The following SLC26A7 variants were observed in gnomAD, a reference collection of about 807,000 sequenced individuals.
SLC26A7 encodes solute carrier family 26 member 7.
SLC26A7 carries 59 observed loss-of-function variants against 82.5 expected under a neutral mutation model. That is an observed-to-expected ratio of 0.72 (90% CI 0.58 to 0.89). The LOEUF (loss-of-function observed/expected upper bound fraction) is 0.89, where lower values mean the gene tolerates loss of function less well. Among genes scored for constraint, SLC26A7 ranks in the 40% least tolerant of loss-of-function variants. The probability of loss-of-function intolerance (pLI) is 0.00; values close to 1 mark genes in which losing one functional copy is unlikely to be tolerated. For synonymous variants in SLC26A7, 271 were observed against 274.3 expected, an observed-to-expected ratio of 0.99 and a Z score of 0.12; for missense variants, 820 against 793.0, an observed-to-expected ratio of 1.03 and a Z score of -0.41.
intron 6 of SLC26A7, among the ~76,000 whole-genome samples, chr8:91,335,711 A>C (rs1813220978): frequency 6.6e-6 from 1 of 152,220 alleles, no homozygotes; most frequent in Non-Finnish European, 1.5e-5. Context: ...CTAAGACCCA[A>C]GGAAAAAGTA....
At chr8:91,392,281 T>C (rs1251503667) in intron 16 of SLC26A7, among the ~76,000 whole-genome samples, 1 of 152,170 alleles carries the variant, frequency 6.6e-6, no homozygotes, top group Non-Finnish European at 1.5e-5. Flanking sequence ...GTTAAGAACA[T>C]AGACTTTAAA....
chr8:91,356,694 A>T (rs1813879627), intron 11 of SLC26A7, among the ~76,000 whole-genome samples: 1 of 152,090 alleles, frequency 6.6e-6, no homozygotes, highest in South Asian at 2.1e-4. Flanking sequence ...GTTCACTCTG[A>T]TGGTAGTTTC....
chr8:91,341,006 T>C (rs1487238602), intron 8 of SLC26A7, among the ~76,000 whole-genome samples: 1 of 151,966 alleles, frequency 6.6e-6, no homozygotes, highest in Non-Finnish European at 1.5e-5. Flanking sequence ...TTTTTTATAC[T>C]TTTAAGTTTT....
At chr8:91,304,504 G>C (rs772996409) in intron 4 of SLC26A7, among the ~76,000 whole-genome samples, 1 of 152,184 alleles carries the variant, frequency 6.6e-6, no homozygotes, top group Admixed American at 6.5e-5. Context: ...TACCTGTGCA[G>C]CCTGTGGAAC....
At position 91,340,559 on chromosome 8, in the gene SLC26A7, G is replaced by A. The variant is rs182466427; in HGVS notation, c.1026+8G>A. ...TCAATTGATGACAACCAGGTGGAGT[G>A]TGCCCCCAGTCCCTCTCCACTCCAG... On this transcript the variant is annotated splice_region_variant and intron_variant, in intron 8 of 18. Coordinates refer to ENST00000276609, the MANE Select transcript of SLC26A7 (RefSeq NM_052832.4). 379 of 1,613,634 alleles carry A rather than the reference G, an allele frequency of 2.3e-4. No individual in the cohort carries two copies. The African/African-American group carries it at 3.1e-3, about 13-fold the overall frequency.
chr8:91,258,471 A>G (rs1398341669), intron 2 of SLC26A7, among the ~76,000 whole-genome samples: 1 of 151,952 alleles, frequency 6.6e-6, no homozygotes, highest in Non-Finnish European at 1.5e-5. Context: ...CTCAACAACT[A>G]TATTCAATTA....
At chr8:91,209,807 C>A (rs1357307888) in intron 1 of SLC26A7, among the ~76,000 whole-genome samples, 3 of 151,976 alleles carry the variant, frequency 2.0e-5, no homozygotes, top group Admixed American at 2.0e-4. Context: ...ATGAGTAAGC[C>A]AAGAAGAGGA....
intron 3 of SLC26A7, 74 bp from the exon 4 acceptor site, chr8:91,295,457 C>A: frequency 6.5e-7 from 1 of 1,528,670 alleles, no homozygotes. Flanking sequence ...GTAGCTTCGA[C>A]AGAATCCCAC....
chr8:91,235,181 C>T (rs1810377529), intron 2 of SLC26A7, among the ~76,000 whole-genome samples: 1 of 152,156 alleles, frequency 6.6e-6, no homozygotes, highest in African/African-American at 2.4e-5. Flanking sequence ...ACCTCAGCCT[C>T]CTAAAGTGCT....
intron 2 of SLC26A7, among the ~76,000 whole-genome samples, chr8:91,239,816 G>C (rs1271815754): frequency 1.3e-5 from 2 of 152,178 alleles, no homozygotes; most frequent in East Asian, 3.8e-4. Flanking sequence ...AACTGGGTAA[G>C]ATTGTCCATC....
intron 6 of SLC26A7, 47 bp from the exon 7 acceptor site, chr8:91,338,103 G>A: frequency 7.2e-7 from 1 of 1,395,192 alleles, no homozygotes; most frequent in South Asian, 1.3e-5. Context: ...GTGTTTGAGA[G>A]GTCAGTAATG....
intron 2 of SLC26A7, among the ~76,000 whole-genome samples, chr8:91,272,153 C>G (rs1279419512): frequency 2.0e-5 from 3 of 152,152 alleles, no homozygotes; most frequent in Non-Finnish European, 4.4e-5. Context: ...CTTGCTTACC[C>G]TTTCATCTAC....
At chr8:91,239,231 A>G (rs573310245) in intron 2 of SLC26A7, among the ~76,000 whole-genome samples, 2 of 151,698 alleles carry the variant, frequency 1.3e-5, no homozygotes, top group South Asian at 4.2e-4. Context: ...TTAGCCGGGC[A>G]TGGTGGCAGG....
At chr8:91,324,579 C>G (rs1250683562) in intron 5 of SLC26A7, among the ~76,000 whole-genome samples, 1 of 152,200 alleles carries the variant, frequency 6.6e-6, no homozygotes, top group Non-Finnish European at 1.5e-5. Context: ...CAGATTTACT[C>G]AACAAATTGA....
chr8:91,279,123 G>GTA lies in SLC26A7; in HGVS notation c.194-10012_194-10011insAT, dbSNP rs1223990677. On this transcript the variant is annotated intron_variant, in intron 2 of 18. Coordinates refer to ENST00000276609, the MANE Select transcript of SLC26A7 (RefSeq NM_052832.4). ...AGTATTTCATAGTATGTGTGTGTGT[G>GTA]TGTATATATATATATATATATATAT... Among the ~76,000 whole-genome samples the GTA allele has an allele frequency of 1.1e-3, 90 of 78,728 alleles. 1 individual carries two copies. The highest frequency in any genetic ancestry group is 5.0e-3 in the African/African-American group (87 of 17,476). The allele number at this position is 78,728 out of a possible 152,430, so 51.6% of individuals were successfully genotyped here.
intron 11 of SLC26A7, among the ~76,000 whole-genome samples, chr8:91,358,525 T>A (rs1024464662): frequency 4.0e-5 from 6 of 151,518 alleles, no homozygotes; most frequent in African/African-American, 7.3e-5. Flanking sequence ...AGAGACGGGG[T>A]TTCTCCATGT....
At chr8:91,229,825 A>G (rs796744339) in intron 2 of SLC26A7, among the ~76,000 whole-genome samples, 1 of 152,204 alleles carries the variant, frequency 6.6e-6, no homozygotes, top group South Asian at 2.1e-4. Flanking sequence ...GTAAATATGA[A>G]TGTTAGCAAA....
At chr8:91,226,317 G>A (rs1810239443) in intron 2 of SLC26A7, among the ~76,000 whole-genome samples, 1 of 152,038 alleles carries the variant, frequency 6.6e-6, no homozygotes, top group African/African-American at 2.4e-5. Context: ...CATGCAAAGA[G>A]GTATTTTCTG....
At chr8:91,267,988 A>C (rs1586342198) in intron 2 of SLC26A7, among the ~76,000 whole-genome samples, 2 of 151,686 alleles carry the variant, frequency 1.3e-5, no homozygotes, top group Admixed American at 1.3e-4. Context: ...TTACCTTTTA[A>C]ATTTCTTCAT....
Sources: gnomAD v4.1 joint callset for allele counts (sites outside exome capture counted in the v4.1 genomes callset) on GRCh38, gnomAD v4.1.1 for gene constraint, MANE v1.5 for transcripts, NCBI Gene and HGNC (gene_info 2026-07-23, HGNC 2026-07-21) for gene names.